Variants in CALN1 observed in about 807,000 individuals in gnomAD.
The protein encoded by CALN1 is calneuron 1.
In CALN1, 17 loss-of-function variants were observed where a neutral mutation model predicts 30.6. The ratio of observed to expected loss-of-function variants is 0.56; its 90% CI spans 0.38 to 0.83. The LOEUF is 0.83. CALN1 is among the 40% of genes least tolerant of loss of function. The pLI is 0.00. For missense variants in CALN1, 291 were observed against 354.9 expected (o/e 0.82, Z 1.45); for synonymous variants, 156 against 131.4 (o/e 1.19, Z -1.28).
At chr7:71,896,706 C>A (rs1793551049) in intron 5 of CALN1, among the ~76,000 whole-genome samples, 1 of 152,140 alleles carries the variant, frequency 6.6e-6, no homozygotes, top group African/African-American at 2.4e-5. Context: ...GCCCTGAGAG[C>A]CTCAGACTGA....
intron 2 of CALN1, among the ~76,000 whole-genome samples, chr7:72,311,341 G>A (rs1223265834): frequency 6.6e-6 from 1 of 151,966 alleles, no homozygotes; most frequent in African/African-American, 2.4e-5. Flanking sequence ...TTACATTATT[G>A]GTAAGGCTTC....
the CALN1 span, among the ~76,000 whole-genome samples, chr7:72,477,253 C>T: frequency 1.3e-5 from 2 of 151,538 alleles, no homozygotes; most frequent in Admixed American, 6.6e-5. Context: ...AACATGAAAG[C>T]GAAAGGAGCT....
chr7:72,498,044 C>T, the CALN1 span, among the ~76,000 whole-genome samples: 1 of 151,776 alleles, frequency 6.6e-6, no homozygotes, highest in East Asian at 1.9e-4. Context: ...TTTTAAAAAC[C>T]ATTACACAAG....
At chr7:72,373,295 G>A (rs1481027743) in intron 2 of CALN1, among the ~76,000 whole-genome samples, 5 of 152,138 alleles carry the variant, frequency 3.3e-5, no homozygotes, top group Non-Finnish European at 7.3e-5. Flanking sequence ...TGTAATTACA[G>A]TCCCAAAGGA....
chr7:71,921,770 T>TG (rs1794957342), intron 5 of CALN1, among the ~76,000 whole-genome samples: 1 of 152,140 alleles, frequency 6.6e-6, no homozygotes, highest in Non-Finnish European at 1.5e-5. Context: ...CTGGGACACA[T>TG]AATCTGTCCT....
chr7:71,816,568 C>A (rs1048359880), intron 5 of CALN1, among the ~76,000 whole-genome samples: 1 of 152,080 alleles, frequency 6.6e-6, no homozygotes, highest in Non-Finnish European at 1.5e-5. Context: ...AAACCTCTAA[C>A]CTGTTGAGAG....
At chr7:71,869,838 A>G (rs974104070) in intron 5 of CALN1, among the ~76,000 whole-genome samples, 3 of 152,130 alleles carry the variant, frequency 2.0e-5, no homozygotes. Context: ...GGTGAGTGAA[A>G]CTGCGAGTTG....
At chr7:72,210,937 C>T (rs1792347116) in intron 3 of CALN1, among the ~76,000 whole-genome samples, 1 of 151,960 alleles carries the variant, frequency 6.6e-6, no homozygotes, top group Non-Finnish European at 1.5e-5. Flanking sequence ...AGCTTGTGGT[C>T]CCAGCTACTT....
chr7:71,799,835 C>A (rs1340121838), intron 6 of CALN1, among the ~76,000 whole-genome samples: 2 of 152,018 alleles, frequency 1.3e-5, no homozygotes, highest in Admixed American at 1.3e-4. Flanking sequence ...GTGAAGGGTC[C>A]CCAAACAGAA....
intron 2 of CALN1, among the ~76,000 whole-genome samples, chr7:72,361,433 G>C (rs184783723): frequency 2.0e-5 from 3 of 152,178 alleles, no homozygotes; most frequent in African/African-American, 7.2e-5. Flanking sequence ...TTGAACCCAG[G>C]AGTTTGAGGC....
chr7:72,274,238 G>A (rs1187882008), intron 3 of CALN1, among the ~76,000 whole-genome samples: 3 of 152,016 alleles, frequency 2.0e-5, no homozygotes, highest in Non-Finnish European at 2.9e-5. Flanking sequence ...CCAAGCACAG[G>A]GTCTCACGAC....
At chr7:72,258,486 T>C (rs1796066985) in intron 3 of CALN1, among the ~76,000 whole-genome samples, 1 of 152,198 alleles carries the variant, frequency 6.6e-6, no homozygotes, top group South Asian at 2.1e-4. Flanking sequence ...AAGGGCACTG[T>C]CAATCAATAA....
At chr7:72,123,040 C>T (rs1808499483) in intron 3 of CALN1, among the ~76,000 whole-genome samples, 1 of 152,110 alleles carries the variant, frequency 6.6e-6, no homozygotes, top group African/African-American at 2.4e-5. Flanking sequence ...TACTGCATAG[C>T]CAAGAGAGAA....
chr7:72,338,525 G>GTGTGTGTGTGCGTGTGTGTGTGTCTGTC, intron 2 of CALN1, among the ~76,000 whole-genome samples: 1 of 122,378 alleles, frequency 8.2e-6, no homozygotes, highest in South Asian at 2.7e-4. Flanking sequence ...GTGTGTGTGT[G>GTGTGTGTGTGCGTGTGTGTGTGTCTGTC]TGTCTCACCT....
chr7:72,336,255 G>A (rs1802025933), intron 2 of CALN1, among the ~76,000 whole-genome samples: 1 of 152,130 alleles, frequency 6.6e-6, no homozygotes, highest in African/African-American at 2.4e-5. Flanking sequence ...CCTGGTTGCC[G>A]CCGGGCGCTC....
intron 3 of CALN1, among the ~76,000 whole-genome samples, chr7:72,186,950 T>C (rs1223520155): frequency 6.7e-6 from 1 of 148,902 alleles, no homozygotes; most frequent in East Asian, 2.0e-4. Flanking sequence ...ATCAGCATTT[T>C]CTAAACTGTT....
At chr7:71,971,947 A>AGAAAGAAAG (rs1797831517) in intron 5 of CALN1, among the ~76,000 whole-genome samples, 1 of 129,420 alleles carries the variant, frequency 7.7e-6, no homozygotes, top group Non-Finnish European at 1.6e-5. Context: ...AAAAAAAAAA[A>AGAAAGAAAG]AAAAAAAAAG....
chr7:72,483,398 T>G, the CALN1 span, among the ~76,000 whole-genome samples: 1 of 150,526 alleles, frequency 6.6e-6, no homozygotes, highest in South Asian at 2.1e-4. Context: ...GATTCTCCTA[T>G]CTCAGCCTCC....
chr7:72,342,170 G>T (rs1466015954), intron 2 of CALN1, among the ~76,000 whole-genome samples: 2 of 150,954 alleles, frequency 1.3e-5, no homozygotes, highest in African/African-American at 4.9e-5. Flanking sequence ...TAAGGCAGAG[G>T]ATGGTTTGAG....
Sources: allele counts gnomAD v4.1 joint callset (sites outside exome capture counted in the v4.1 genomes callset), GRCh38; gene constraint gnomAD v4.1.1; transcripts MANE v1.5; gene names NCBI Gene and HGNC (gene_info 2026-07-23, HGNC 2026-07-21).